PLPBP: variants seen among roughly 807,000 people sequenced by gnomAD.
The protein encoded by PLPBP is pyridoxal phosphate binding protein, also known as pyridoxal phosphate homeostasis protein.
In PLPBP, 21 loss-of-function variants were observed where a neutral mutation model predicts 31.2. The observed-to-expected ratio is 0.67, with a 90% CI of 0.48 to 0.97. The LOEUF (loss-of-function observed/expected upper bound fraction) is 0.97, where lower values mean the gene tolerates loss of function less well. PLPBP is among the 50% of genes least tolerant of loss of function. The pLI is 0.00. For missense variants in PLPBP, 308 were observed against 354.4 expected, an observed-to-expected ratio of 0.87 and a Z score of 1.05; for synonymous variants, 124 against 135.6, an observed-to-expected ratio of 0.91 and a Z score of 0.59.
intron 1 of PLPBP, among the ~76,000 whole-genome samples, chr8:37,764,455 C>T (rs370940897): frequency 2.0e-5 from 3 of 151,902 alleles, no homozygotes; most frequent in South Asian, 4.2e-4. Context: ...CCAAGTAGCT[C>T]GGATTACAGA....
Position 37,775,993 on chromosome 8 carries a change from A to C in PLPBP, c.673A>C (p.Met225Leu), listed in dbSNP as rs146142368. ...PADQVELSMG[M>L]SADFQHAVEV... The stretch of plus-strand genomic sequence containing the variant: ...TGACCAGGTTGAGCTGAGCATGGGC[A>C]TGTCCGCGGATTTCCAGCATGCGGT... The change falls in exon 7 of 8, where the codon ATG becomes CTG. Residue 225 changes from methionine (M) to leucine (L), a missense_variant. This residue lies in a region of PLPBP where 188 missense variants were observed against 259.3 expected (regional missense o/e 0.73). Coordinates refer to ENST00000328195, the MANE Select transcript of PLPBP (RefSeq NM_007198.4). 17 of 1,613,644 alleles carry C rather than the reference A, an allele frequency of 1.1e-5. No homozygotes were observed. The highest frequency in any genetic ancestry group is 5.1e-6 in the Non-Finnish European group (6 of 1,179,830).
At chr8:37,771,951 C>T (rs1803781875) in intron 4 of PLPBP, among the ~76,000 whole-genome samples, 1 of 152,148 alleles carries the variant, frequency 6.6e-6, no homozygotes, top group African/African-American at 2.4e-5. Context: ...CAGAGCGAGA[C>T]TCTGTCTCCA....
chr8:37,775,750 C>G (rs1012631334), intron 6 of PLPBP, among the ~76,000 whole-genome samples, 168 bp from the exon 7 acceptor site: 3 of 152,192 alleles, frequency 2.0e-5, no homozygotes, highest in Non-Finnish European at 2.9e-5. Flanking sequence ...ATAGTTTTCT[C>G]GAAAGTGGGA....
At chr8:37,776,788 A>G (rs1803925173) in intron 7 of PLPBP, among the ~76,000 whole-genome samples, 1 of 151,842 alleles carries the variant, frequency 6.6e-6, no homozygotes, top group African/African-American at 2.4e-5. Flanking sequence ...TTTTTTGGAG[A>G]CTGAGTCTCG....
At chr8:37,776,573 C>T (rs1407336373) in intron 7 of PLPBP, among the ~76,000 whole-genome samples, 1 of 150,394 alleles carries the variant, frequency 6.6e-6, no homozygotes, top group Non-Finnish European at 1.5e-5. Context: ...AATATAATTC[C>T]GTAAGTGTAA....
chr8:37,774,080 G>A (rs1193469074), intron 5 of PLPBP, among the ~76,000 whole-genome samples: 1 of 151,968 alleles, frequency 6.6e-6, no homozygotes, highest in African/African-American at 2.4e-5. Flanking sequence ...GCATGATGGT[G>A]TGCACCCATA....
chr8:37,773,009 G>A (rs1803814934), intron 5 of PLPBP, 120 bp downstream of exon 5: 2 of 1,366,788 alleles, frequency 1.5e-6, no homozygotes, highest in South Asian at 1.3e-5. Context: ...CAGGATCACA[G>A]GCCTCTAAGT....
At chr8:37,774,270 G>A (rs957206518) in intron 5 of PLPBP, among the ~76,000 whole-genome samples, 6 of 152,058 alleles carry the variant, frequency 3.9e-5, no homozygotes, top group Non-Finnish European at 8.8e-5. Flanking sequence ...ATCTTTATGG[G>A]GCTTGGATTA....
At chr8:37,769,357 T>G (rs1242081409) in intron 4 of PLPBP, among the ~76,000 whole-genome samples, 3 of 151,368 alleles carry the variant, frequency 2.0e-5, no homozygotes, top group African/African-American at 7.3e-5. Flanking sequence ...ATATTAATAA[T>G]AATAAATTTT....
chr8:37,763,455 A>G (rs1803538154), intron 1 of PLPBP, among the ~76,000 whole-genome samples: 1 of 152,228 alleles, frequency 6.6e-6, no homozygotes, highest in African/African-American at 2.4e-5. Context: ...TCTCTGATCG[A>G]GCATTTATGC....
chr8:37,766,415 C>A, intron 4 of PLPBP, 60 bp downstream of exon 4: 2 of 1,508,380 alleles, frequency 1.3e-6, no homozygotes, highest in Non-Finnish European at 1.8e-6. Flanking sequence ...TTCTACTACC[C>A]TTTGTGGAAG....
At chr8:37,768,893 G>T (rs1803705212) in intron 4 of PLPBP, among the ~76,000 whole-genome samples, 1 of 152,038 alleles carries the variant, frequency 6.6e-6, no homozygotes, top group African/African-American at 2.4e-5. Flanking sequence ...AAATTGAGTT[G>T]TCTTTTCATT....
At chr8:37,763,776 A>C (rs1343901773) in intron 1 of PLPBP, among the ~76,000 whole-genome samples, 1 of 152,234 alleles carries the variant, frequency 6.6e-6, no homozygotes, top group Non-Finnish European at 1.5e-5. Flanking sequence ...CTGGTTACGC[A>C]TCGCTGTGGA....
rs775682187 is a variant in PLPBP, at chr8:37,779,239, T to A, written c.*1135T>A. 8.5e-5 allele frequency: 13 copies of A among 152,208 alleles called. No individual in the cohort carries two copies. Among genetic ancestry groups the A allele is most frequent in the African/African-American group, 1.4e-4 (6 of 41,444 alleles). 9.4% of individuals were successfully genotyped at this position (152,208 alleles called of 1,614,324 possible). On this transcript the variant is annotated 3_prime_UTR_variant, in exon 8 of 8. Coordinates refer to ENST00000328195, the MANE Select transcript of PLPBP (RefSeq NM_007198.4). ...AATTTAATGATTATCTCCTCCACTA[T>A]AATCCTCTTTAGGGTGATTTTTTAA...
At chr8:37,762,883 A>G (rs1023117176) in intron 1 of PLPBP, 125 bp downstream of exon 1, 24 of 1,232,216 alleles carry the variant, frequency 1.9e-5, no homozygotes, top group African/African-American at 3.1e-5. Flanking sequence ...TCGGCCGCCT[A>G]GGGCCACCGA....
chr8:37,766,698 G>T, intron 4 of PLPBP: 1 of 888,602 alleles, frequency 1.1e-6, no homozygotes, highest in Non-Finnish European at 1.4e-6. Context: ...AAAGGCTACA[G>T]TAAATAAAAT....
rs143898448 is a variant in PLPBP, at chr8:37,769,326, C to G, written c.319+2971C>G. On this transcript the variant is annotated intron_variant, in intron 4 of 7. Transcript: ENST00000328195. ...ACTCCAGCCTGGATGACAGAGGAGA[C>G]CCTATCTAATAATAATAATAATATT... 4.0e-3 allele frequency among the ~76,000 whole-genome samples: 610 copies of G among 151,484 alleles called. 6 individuals carry two copies. Among genetic ancestry groups the G allele is most frequent in the African/African-American group, 0.014 (584 of 41,318 alleles).
rs549597601 is a variant in PLPBP at position 37,765,924 on chromosome 8, T to C, written c.243+178T>C. On this transcript the variant is annotated intron_variant, in intron 3 of 7. Transcript: ENST00000328195. Reference sequence around the variant, plus strand: ...CCCAAGTAATTCTCAGCTAGATTTTTCTCTTTGTTCAGACTGTCGTTTTCT... The same window carrying C: ...CCCAAGTAATTCTCAGCTAGATTTTCCTCTTTGTTCAGACTGTCGTTTTCT... Among the ~76,000 whole-genome samples the C allele has an allele frequency of 1.7e-4, 26 of 152,306 alleles. No individual in the cohort carries two copies. In the South Asian group the frequency reaches 4.3e-3, roughly 25 times the overall value.
chr8:37,764,071 C>CTTTTTTTT (rs111913973), intron 1 of PLPBP, among the ~76,000 whole-genome samples: 4 of 126,846 alleles, frequency 3.2e-5, no homozygotes, highest in South Asian at 2.6e-4. Flanking sequence ...TCTTTTCTTT[C>CTTTTTTTT]TTTTTTTTTT....
Sources: allele counts gnomAD v4.1 joint callset (sites outside exome capture counted in the v4.1 genomes callset), GRCh38; gene constraint gnomAD v4.1.1; regional missense constraint gnomAD v4.1.1; transcripts MANE v1.5; gene names NCBI Gene and HGNC (gene_info 2026-07-23, HGNC 2026-07-21).